KIAA1549L: variants seen among roughly 807,000 people sequenced by gnomAD.
KIAA1549L encodes UPF0606 protein KIAA1549L.
Under a neutral mutation model 160.7 loss-of-function variants are expected in KIAA1549L, and 88 were observed. The ratio of observed to expected loss-of-function variants is 0.55; its 90% confidence interval spans 0.46 to 0.65. KIAA1549L has a LOEUF of 0.65. Ranked by LOEUF, KIAA1549L falls within the 30% of genes least tolerant of loss-of-function variation. The pLI is 0.00. For synonymous variants in KIAA1549L, 950 were observed against 976.7 expected (o/e 0.97, Z 0.51); for missense variants, 2,258 against 2,437.5 (o/e 0.93, Z 1.55).
At position 33,552,205 on chromosome 11, in the gene KIAA1549L, G is replaced by T. The variant is rs754349048; in HGVS notation, c.3819G>T (p.Arg1273Ser). 6.2e-7 allele frequency: 1 copy of T among 1,607,076 alleles called. No homozygotes were observed. The highest frequency in any genetic ancestry group is 1.3e-5 in the African/African-American group (1 of 74,980). ...RLQKAFQDAE[R>S]KVLNTKSNLT... ...AGAAGGCATTCCAGGATGCCGAGAG[G>T]AAAGTCCTGAATACCAAAAGCAACT... Residue 1273 changes from arginine (R) to serine (S), a missense_variant, in exon 6 of 21, where the codon AGG (arginine) becomes AGT (serine). By Grantham distance (110) the Arg-to-Ser change is moderately radical (BLOSUM62 -1). Coordinates refer to ENST00000658780, the MANE Select transcript of KIAA1549L (RefSeq NM_012194.3).
At chr11:33,408,052 TTAAGA>T (rs949852008) in intron 1 of KIAA1549L, among the ~76,000 whole-genome samples, 1 of 152,012 alleles carries the variant, frequency 6.6e-6, no homozygotes, top group African/African-American at 2.4e-5. Flanking sequence ...TCAAGGGGTG[TTAAGA>T]TAATAAAAAT....
At chr11:33,405,872 T>TC (rs1850639941) in intron 1 of KIAA1549L, among the ~76,000 whole-genome samples, 1 of 138,682 alleles carries the variant, frequency 7.2e-6, no homozygotes, top group African/African-American at 2.8e-5. Flanking sequence ...AAGCAAAAGC[T>TC]CTACTAGGAA....
intron 1 of KIAA1549L, among the ~76,000 whole-genome samples, chr11:33,516,937 A>C (rs1853358499): frequency 6.6e-6 from 1 of 152,184 alleles, no homozygotes; most frequent in Non-Finnish European, 1.5e-5. Context: ...TTGCATTCTC[A>C]GCTCTAATTA....
At chr11:33,386,178 G>A (rs1252476392) in intron 1 of KIAA1549L, among the ~76,000 whole-genome samples, 1 of 152,174 alleles carries the variant, frequency 6.6e-6, no homozygotes, top group Non-Finnish European at 1.5e-5. Context: ...GGAAATATCA[G>A]TCTTTCTCTA....
intron 1 of KIAA1549L, among the ~76,000 whole-genome samples, chr11:33,413,335 A>G (rs1850820845): frequency 6.6e-6 from 1 of 150,772 alleles, no homozygotes; most frequent in African/African-American, 2.4e-5. Context: ...GCTACTTAGG[A>G]GGCCAAGGTG....
chr11:33,408,668 G>T (rs1217041484), intron 1 of KIAA1549L, among the ~76,000 whole-genome samples: 1 of 150,140 alleles, frequency 6.7e-6, no homozygotes, highest in Non-Finnish European at 1.5e-5. Flanking sequence ...TAGGGAGTTG[G>T]TTGTCTCATT....
intron 8 of KIAA1549L, among the ~76,000 whole-genome samples, chr11:33,565,025 C>T (rs150077956): frequency 1.2e-3 from 188 of 152,266 alleles, no homozygotes; most frequent in African/African-American, 4.3e-3. Context: ...GTGCCCAGCT[C>T]CTCTAAGCTG....
chr11:33,417,673 G>T (rs1850915875), intron 1 of KIAA1549L, among the ~76,000 whole-genome samples: 1 of 152,134 alleles, frequency 6.6e-6, no homozygotes, highest in Non-Finnish European at 1.5e-5. Context: ...CTGCTCAAAT[G>T]TTCACTAGAG....
At chr11:33,550,977 C>A (rs1481492243) in intron 4 of KIAA1549L, 63 bp from the exon 5 acceptor site, 14 of 1,355,604 alleles carry the variant, frequency 1.0e-5, no homozygotes, top group African/African-American at 1.4e-5. Flanking sequence ...TAAGAAATAC[C>A]AGGAAGAACT....
intron 1 of KIAA1549L, among the ~76,000 whole-genome samples, chr11:33,415,220 T>C (rs1004121757): frequency 6.6e-6 from 1 of 152,200 alleles, no homozygotes; most frequent in South Asian, 2.1e-4. Flanking sequence ...TTCATTACTT[T>C]ATTCATTCCA....
At chr11:33,443,631 A>G (rs74654844) in intron 1 of KIAA1549L, among the ~76,000 whole-genome samples, 2,293 of 152,270 alleles carry the variant, frequency 0.015, 57 homozygotes, top group African/African-American at 0.052. Context: ...ACTCACTAAT[A>G]GCCAGATAGT....
At chr11:33,558,834 CTTTTCTTTTT>C (rs1302302507) in intron 6 of KIAA1549L, among the ~76,000 whole-genome samples, 1 of 150,318 alleles carries the variant, frequency 6.7e-6, no homozygotes, top group Admixed American at 6.6e-5. Context: ...ATTCCTTTTT[CTTTTCTTTTT>C]TTTTTTTTTT....
chr11:33,641,633 T>TAC (rs1480101373), intron 16 of KIAA1549L, among the ~76,000 whole-genome samples: 65 of 99,384 alleles, frequency 6.5e-4, no homozygotes, highest in Non-Finnish European at 1.2e-3. Flanking sequence ...TATATATATA[T>TAC]ACACAGTGGG....
chr11:33,666,358 G>T (rs182419789), intron 20 of KIAA1549L, among the ~76,000 whole-genome samples: 68 of 152,276 alleles, frequency 4.5e-4, no homozygotes, highest in African/African-American at 1.6e-3. Context: ...CCATCAGTAC[G>T]CCCATACATT....
intron 1 of KIAA1549L, among the ~76,000 whole-genome samples, chr11:33,487,751 A>G (rs1226003729): frequency 2.0e-5 from 3 of 152,188 alleles, no homozygotes; most frequent in South Asian, 4.1e-4. Context: ...ATTAATATAC[A>G]GTCAGGGTTG....
In KIAA1549L at chr11:33,583,462, C is replaced by T. The variant is rs1276755503; in HGVS notation, c.4527C>T (p.Phe1509=). The part of the protein sequence containing the change: ...AVLCRKNKND[F]KPDTMINLPQ... ...TCTGCAGGAAGAACAAGAACGACTTCAAGCCTGACACCATGATAAACCTGC... is the reference window on the plus strand; with the variant it reads ...TCTGCAGGAAGAACAAGAACGACTTTAAGCCTGACACCATGATAAACCTGC... Residue 1509 remains phenylalanine (F), a synonymous_variant, in exon 11 of 21, where the codon TTC becomes TTT. Transcript: ENST00000658780. 4 of 1,582,840 alleles carry T rather than the reference C, an allele frequency of 2.5e-6. No homozygotes were observed. In the African/African-American group the frequency reaches 5.4e-5, roughly 21 times the overall value.
chr11:33,547,210 A>G (rs1215598485), intron 3 of KIAA1549L, among the ~76,000 whole-genome samples: 2 of 152,160 alleles, frequency 1.3e-5, no homozygotes, highest in Admixed American at 6.5e-5. Flanking sequence ...TCCTATGGAA[A>G]TTTTCCCTGA....
At chr11:33,430,748 A>G (rs1851220888) in intron 1 of KIAA1549L, among the ~76,000 whole-genome samples, 2 of 152,206 alleles carry the variant, frequency 1.3e-5, no homozygotes, top group African/African-American at 4.8e-5. Context: ...TCAACCTGTC[A>G]GAAGCAGCCC....
At chr11:33,392,886 C>T (rs958131447) in intron 1 of KIAA1549L, among the ~76,000 whole-genome samples, 7 of 152,158 alleles carry the variant, frequency 4.6e-5, no homozygotes, top group African/African-American at 1.7e-4. Context: ...TTTCTGAACA[C>T]TTTCATAATT....
Sources: gnomAD v4.1 joint callset for allele counts (sites outside exome capture counted in the v4.1 genomes callset) on GRCh38, gnomAD v4.1.1 for gene constraint, MANE v1.5 for transcripts, NCBI Gene and HGNC (gene_info 2026-07-23, HGNC 2026-07-21) for gene names.